TANC1: variants seen among roughly 807,000 people sequenced by gnomAD.
TANC1 encodes tetratricopeptide repeat, ankyrin repeat and coiled-coil containing 1.
A neutral mutation model predicts 149.7 loss-of-function variants in TANC1; 77 were observed. The ratio of observed to expected loss-of-function variants is 0.51; its 90% CI spans 0.43 to 0.62. The LOEUF (loss-of-function observed/expected upper bound fraction) is 0.62. TANC1 is among the 20% of genes least tolerant of loss of function. TANC1 has a pLI of 0.00. For missense variants in TANC1, 1,985 were observed against 2,321.8 expected (o/e 0.85, Z 2.98); for synonymous variants, 854 against 925.0 (o/e 0.92, Z 1.39).
intron 14 of TANC1, among the ~76,000 whole-genome samples, chr2:159,182,499 A>T (rs572364373): frequency 6.6e-6 from 1 of 152,314 alleles, no homozygotes; most frequent in Non-Finnish European, 1.5e-5. Context: ...CATAAAATGC[A>T]TTCGATTATC....
intron 12 of TANC1, among the ~76,000 whole-genome samples, chr2:159,175,922 G>A (rs898690132): frequency 6.6e-6 from 1 of 152,192 alleles, no homozygotes; most frequent in African/African-American, 2.4e-5. Context: ...GGCTTGGCCA[G>A]GGCAGTTTGC....
intron 1 of TANC1, among the ~76,000 whole-genome samples, chr2:158,992,669 A>ATTT (rs70994251): frequency 8.9e-5 from 10 of 112,510 alleles, no homozygotes; most frequent in East Asian, 7.5e-4. Context: ...TGCCCAGCTA[A>ATTT]TTTTTTTTTT....
intron 11 of TANC1, among the ~76,000 whole-genome samples, chr2:159,173,191 G>C (rs1374305693): frequency 6.6e-6 from 1 of 152,148 alleles, no homozygotes; most frequent in Non-Finnish European, 1.5e-5. Flanking sequence ...TCTTACACTA[G>C]AGATCACTCA....
At position 159,004,813 on chromosome 2, in the gene TANC1, C is replaced by T. The variant is rs186287530; in HGVS notation, c.-16+3624C>T. On this transcript the variant is annotated intron_variant, in intron 2 of 26. Transcript: ENST00000263635. ...GGGTGCTAGAGGAATTAAAGACAGA[C>T]AGACAGACACACACACAAATATAGG... Among the ~76,000 whole-genome samples, 200 of 152,230 alleles carry T rather than the reference C, an allele frequency of 1.3e-3. 1 individual carries two copies. The highest frequency in any genetic ancestry group is 3.5e-4 in the Non-Finnish European group (24 of 68,024).
intron 11 of TANC1, 112 bp from the exon 12 acceptor site, chr2:159,174,841 A>T (rs2055670384): frequency 1.3e-6 from 1 of 799,208 alleles, no homozygotes; most frequent in South Asian, 1.5e-5. Flanking sequence ...TGGGGAATAG[A>T]TGCTATGTAT....
chr2:159,149,568 A>G (rs532663702), intron 6 of TANC1: 81 of 377,684 alleles, frequency 2.1e-4, no homozygotes, highest in Admixed American at 9.1e-4. Context: ...TAATGCTACC[A>G]GTACTTTTAC....
At chr2:159,019,453 A>C (rs113639993) in intron 2 of TANC1, among the ~76,000 whole-genome samples, 1 of 152,228 alleles carries the variant, frequency 6.6e-6, no homozygotes, top group African/African-American at 2.4e-5. Flanking sequence ...AATTCAGTTA[A>C]AGACAAAAAC....
chr2:159,106,147 TCACC>T (rs1188658210), intron 4 of TANC1, among the ~76,000 whole-genome samples: 1 of 152,194 alleles, frequency 6.6e-6, no homozygotes, highest in East Asian at 1.9e-4. Context: ...ACCACATAAT[TCACC>T]CATTTAAAGT....
At chr2:159,216,478 G>C (rs2059353472) in intron 19 of TANC1, among the ~76,000 whole-genome samples, 1 of 152,072 alleles carries the variant, frequency 6.6e-6, no homozygotes, top group Non-Finnish European at 1.5e-5. Context: ...TGATCATCCT[G>C]GCCTGGGGTT....
chr2:159,007,138 GTT>G lies in TANC1; in HGVS notation c.-16+5973_-16+5974del, dbSNP rs70994252. ...TGTACTGTTTTTTATCTTTAATACT[GTT>G]TTTTTTTTTTTTTTTTTTTTTTTGA... is the stretch of plus-strand genomic sequence containing the variant. On this transcript the variant is annotated intron_variant, in intron 2 of 26. Transcript: ENST00000263635. Among the ~76,000 whole-genome samples the G allele has an allele frequency of 1.8e-3, 122 of 69,506 alleles. 1 individual carries two copies. Among genetic ancestry groups the G allele is most frequent in the African/African-American group, 5.3e-3 (93 of 17,640 alleles). The allele number at this position is 69,506 out of a possible 152,430, so 45.6% of individuals were successfully genotyped here.
At chr2:159,149,470 A>G (rs1574970080) in intron 6 of TANC1, 198 bp downstream of exon 6, 1 of 659,726 alleles carries the variant, frequency 1.5e-6, no homozygotes, top group East Asian at 3.0e-5. Context: ...AAAGAAGCAG[A>G]ACGTAAGAAA....
rs369579695 is a variant in TANC1, at chr2:159,213,136, T to C, written c.3245-4361T>C. On this transcript the variant is annotated intron_variant, in intron 19 of 26. Transcript: ENST00000263635. ...TTTTGTCTTACAAGAGGATAACTTA[T>C]CTGTTTTTGGGATATCTCCTGTGTC... 5.9e-5 allele frequency among the ~76,000 whole-genome samples: 9 copies of C among 152,292 alleles called. No homozygotes were observed. The South Asian group carries it at 1.0e-3, about 18-fold the overall frequency.
At chr2:159,145,577 G>T (rs993666534) in intron 5 of TANC1, among the ~76,000 whole-genome samples, 2 of 152,168 alleles carry the variant, frequency 1.3e-5, no homozygotes, top group Non-Finnish European at 2.9e-5. Context: ...GTTGTAGAGG[G>T]CACTGATGGT....
At chr2:159,028,235 C>T (rs1159993607) in intron 2 of TANC1, among the ~76,000 whole-genome samples, 2 of 151,816 alleles carry the variant, frequency 1.3e-5, no homozygotes, top group African/African-American at 2.4e-5. Flanking sequence ...ATTCTCCTGC[C>T]TTAGCATCCC....
At chr2:159,031,298 G>C (rs890350743) in intron 2 of TANC1, among the ~76,000 whole-genome samples, 3 of 152,186 alleles carry the variant, frequency 2.0e-5, no homozygotes, top group Non-Finnish European at 2.9e-5. Context: ...GGGTTAAGAG[G>C]CTTCAGCTGT....
intron 2 of TANC1, chr2:159,056,272 CA>C (rs1330066628): frequency 2.2e-5 from 5 of 226,262 alleles, no homozygotes; most frequent in Non-Finnish European, 4.6e-5. Context: ...GTAGCTGTTC[CA>C]AGTACTGAGG....
At chr2:159,036,211 G>A (rs557936261) in intron 2 of TANC1, among the ~76,000 whole-genome samples, 2 of 152,200 alleles carry the variant, frequency 1.3e-5, no homozygotes, top group East Asian at 1.9e-4. Context: ...TTTGAGCTAC[G>A]ACTGTTCACC....
chr2:159,055,740 A>G (rs73001049), intron 2 of TANC1, among the ~76,000 whole-genome samples: 1 of 152,170 alleles, frequency 6.6e-6, no homozygotes, highest in African/African-American at 2.4e-5. Context: ...TTCACAGCAC[A>G]CCACTCTGAG....
intron 3 of TANC1, among the ~76,000 whole-genome samples, chr2:159,087,482 T>G (rs2045031686): frequency 8.5e-6 from 1 of 118,248 alleles, no homozygotes; most frequent in Non-Finnish European, 1.8e-5. Flanking sequence ...TTTTTTTTTT[T>G]GTCGTTGTTT....
Sources: allele counts gnomAD v4.1 joint callset (sites outside exome capture counted in the v4.1 genomes callset), GRCh38; gene constraint gnomAD v4.1.1; transcripts MANE v1.5; gene names NCBI Gene and HGNC (gene_info 2026-07-23, HGNC 2026-07-21).